Variants in TCEA3 observed in about 807,000 individuals in gnomAD.
TCEA3 encodes the protein transcription elongation factor A3, also known as transcription elongation factor A protein 3.
A neutral mutation model predicts 44.0 loss-of-function variants in TCEA3; 36 were observed. The ratio of observed to expected loss-of-function variants is 0.82; its 90% confidence interval spans 0.63 to 1.08. The LOEUF (loss-of-function observed/expected upper bound fraction) is 1.08. TCEA3 is among the 50% of genes least tolerant of loss of function. TCEA3 has a pLI of 0.00. For missense variants in TCEA3, 392 were observed against 441.2 expected (o/e 0.89, Z 1.00); for synonymous variants, 162 against 159.7 (o/e 1.01, Z -0.11).
chr1:23,417,133 AATACCAAT>A, intron 4 of TCEA3, 108 bp downstream of exon 4: 2 of 1,321,890 alleles, frequency 1.5e-6, no homozygotes, highest in Middle Eastern at 2.0e-4. Context: ...TGCAGGAGAT[AATACCAAT>A]ATCTTCCTCC....
intron 1 of TCEA3, among the ~76,000 whole-genome samples, chr1:23,421,426 G>A (rs1640062592): frequency 1.3e-5 from 2 of 152,058 alleles, no homozygotes; most frequent in African/African-American, 4.8e-5. Flanking sequence ...GATCTGTCTA[G>A]ACATACACAA....
chr1:23,392,947 T>G (rs1639106523), intron 8 of TCEA3, among the ~76,000 whole-genome samples: 2 of 152,188 alleles, frequency 1.3e-5, no homozygotes, highest in South Asian at 4.1e-4. Context: ...ATTTCTATTA[T>G]TATTACAGTG....
At chr1:23,389,426 T>C (rs939114366) in intron 8 of TCEA3, among the ~76,000 whole-genome samples, 6 of 151,252 alleles carry the variant, frequency 4.0e-5, no homozygotes, top group Non-Finnish European at 7.4e-5. Context: ...GAGGTTTAAG[T>C]TGCAGTGAGC....
intron 8 of TCEA3, among the ~76,000 whole-genome samples, chr1:23,388,149 G>A (rs1266525184): frequency 2.0e-5 from 3 of 151,994 alleles, no homozygotes; most frequent in African/African-American, 7.3e-5. Context: ...AAGGGTTGGT[G>A]GAAGGGGAAG....
At chr1:23,408,778 T>G in intron 4 of TCEA3, 52 bp from the exon 5 acceptor site, 1 of 1,513,774 alleles carries the variant, frequency 6.6e-7, no homozygotes, top group Non-Finnish European at 9.0e-7. Flanking sequence ...GCATCAGTAC[T>G]GACAGGAAGG....
At chr1:23,397,682 T>A (rs1260886737) in intron 6 of TCEA3, 81 bp from the exon 7 acceptor site, 4 of 1,605,170 alleles carry the variant, frequency 2.5e-6, no homozygotes, top group South Asian at 1.1e-5. Flanking sequence ...GACTAGAGTG[T>A]TCCTGTACCA....
chr1:23,381,205 G>T lies in TCEA3; in HGVS notation c.*261C>A, dbSNP rs1266777215. The T allele has an allele frequency of 3.5e-5, 17 of 488,018 alleles. No individual in the cohort carries two copies. In the Admixed American group the frequency reaches 6.6e-4, roughly 19 times the overall value. 30.2% of individuals were successfully genotyped at this position (488,018 alleles called of 1,614,324 possible). On this transcript the variant is annotated 3_prime_UTR_variant, in exon 11 of 11. Coordinates refer to ENST00000450454, the MANE Select transcript of TCEA3 (RefSeq NM_003196.3). ...TTGCAGATTACAGCCATAAACCACC[G>T]TGCCCAGCCCTCTGCAGTTTCTAAA...
intron 5 of TCEA3, among the ~76,000 whole-genome samples, chr1:23,407,580 G>C (rs1639579379): frequency 6.6e-6 from 1 of 151,954 alleles, no homozygotes; most frequent in Non-Finnish European, 1.5e-5. Context: ...CCTCTTTCAA[G>C]CTTTTGCCTA....
intron 1 of TCEA3, 52 bp from the exon 2 acceptor site, chr1:23,419,191 T>G (rs1221222430): frequency 7.1e-7 from 1 of 1,414,606 alleles, no homozygotes; most frequent in Non-Finnish European, 9.7e-7. Flanking sequence ...ACCAGGCTTC[T>G]CTGACTATTG....
intron 5 of TCEA3, among the ~76,000 whole-genome samples, chr1:23,400,254 G>A (rs1639358517): frequency 2.0e-5 from 3 of 152,144 alleles, no homozygotes; most frequent in Non-Finnish European, 2.9e-5. Context: ...GAGCCTTGAA[G>A]AAGTGAAGTG....
rs371471092 is a variant in TCEA3, at chr1:23,418,302, T to C, written c.133-293A>G. ...TGGCTGACTGTCAGGACCCCTCCCA[T>C]TCCCAACCCTCTAGTGTCTATTTTT... On this transcript the variant is annotated intron_variant, in intron 2 of 10. Transcript: ENST00000450454. The C allele has an allele frequency of 2.1e-4, 77 of 370,230 alleles. 2 individuals carry two copies. In the South Asian group the frequency reaches 3.2e-3, roughly 15 times the overall value. The allele number at this position is 370,230 out of a possible 1,614,324, so 22.9% of individuals were successfully genotyped here.
At chr1:23,422,638 C>G (rs1340242074) in intron 1 of TCEA3, among the ~76,000 whole-genome samples, 2 of 152,176 alleles carry the variant, frequency 1.3e-5, no homozygotes, top group Admixed American at 1.3e-4. Context: ...CACCCAGACA[C>G]TGCCGAGAGC....
intron 8 of TCEA3, among the ~76,000 whole-genome samples, chr1:23,392,558 C>T (rs1215333877): frequency 7.9e-5 from 1 of 12,720 alleles, no homozygotes; most frequent in Non-Finnish European, 1.7e-4. Context: ...ATACACTCCA[C>T]ACATCAGACA....
chr1:23,419,910 T>C (rs1009816782), intron 1 of TCEA3, among the ~76,000 whole-genome samples: 1 of 152,144 alleles, frequency 6.6e-6, no homozygotes, highest in Admixed American at 6.5e-5. Flanking sequence ...CTTTGCAGTG[T>C]AAAATTTGAT....
chr1:23,408,128 A>G (rs182933174), intron 5 of TCEA3, among the ~76,000 whole-genome samples: 5 of 151,990 alleles, frequency 3.3e-5, no homozygotes, highest in Admixed American at 3.3e-4. Context: ...TGCCTGGCTA[A>G]TTTTTGTATT....
At chr1:23,423,802 G>C (rs969090057) in intron 1 of TCEA3, 17 of 455,874 alleles carry the variant, frequency 3.7e-5, no homozygotes, top group Middle Eastern at 3.2e-4. Flanking sequence ...TTAACTTCCA[G>C]CTGGGTCTGC....
intron 1 of TCEA3, among the ~76,000 whole-genome samples, chr1:23,423,165 G>C (rs1318481564): frequency 6.6e-6 from 1 of 152,168 alleles, no homozygotes; most frequent in African/African-American, 2.4e-5. Context: ...ATGGAGGTTG[G>C]GAGTGTCAGG....
At chr1:23,419,622 A>T (rs1308017963) in intron 1 of TCEA3, among the ~76,000 whole-genome samples, 1 of 152,178 alleles carries the variant, frequency 6.6e-6, no homozygotes, top group African/African-American at 2.4e-5. Flanking sequence ...GGGTCACTTG[A>T]GGCCAGGAGT....
intron 5 of TCEA3, among the ~76,000 whole-genome samples, chr1:23,398,500 G>C (rs1570251667): frequency 6.6e-6 from 1 of 152,194 alleles, no homozygotes; most frequent in South Asian, 2.1e-4. Flanking sequence ...CCCTTAAGGG[G>C]CTTACAGTCT....
Sources: gnomAD v4.1 joint callset for allele counts (sites outside exome capture counted in the v4.1 genomes callset) on GRCh38, gnomAD v4.1.1 for gene constraint, MANE v1.5 for transcripts, NCBI Gene and HGNC (gene_info 2026-07-23, HGNC 2026-07-21) for gene names.